KPNA5: variants seen among roughly 807,000 people sequenced by gnomAD.
KPNA5 encodes the protein karyopherin subunit alpha 5.
In KPNA5, 46 loss-of-function variants were observed where a neutral mutation model predicts 71.3. The observed-to-expected ratio is 0.65, with a 90% CI of 0.51 to 0.83. KPNA5 has a LOEUF of 0.83. Among genes scored for constraint, KPNA5 ranks in the 40% least tolerant of loss-of-function variants. The probability of loss-of-function intolerance (pLI) is 0.00; values close to 1 mark genes in which losing one functional copy is unlikely to be tolerated. For missense variants in KPNA5, 547 were observed against 628.3 expected (o/e 0.87, Z 1.38); for synonymous variants, 207 against 201.4 (o/e 1.03, Z -0.24).
chr6:116,682,465 T>C (rs1419535116), intron 1 of KPNA5, among the ~76,000 whole-genome samples: 1 of 152,134 alleles, frequency 6.6e-6, no homozygotes, highest in East Asian at 1.9e-4. Context: ...TGTACAAAAG[T>C]GGTTTTCTTG....
chr6:116,721,292 A>G (rs1779095062), intron 8 of KPNA5, among the ~76,000 whole-genome samples: 1 of 152,198 alleles, frequency 6.6e-6, no homozygotes, highest in South Asian at 2.1e-4. Context: ...TTTATTTGTG[A>G]GATACATAAC....
At chr6:116,704,711 A>G (rs1466241963) in intron 6 of KPNA5, among the ~76,000 whole-genome samples, 2 of 151,998 alleles carry the variant, frequency 1.3e-5, no homozygotes, top group African/African-American at 4.8e-5. Flanking sequence ...AGTAGCTGAG[A>G]TGACAGGTGC....
rs1032420225 is a variant in KPNA5, at chr6:116,738,785, C to T, written c.*6462C>T. On this transcript the variant is annotated 3_prime_UTR_variant, in exon 14 of 14. Coordinates refer to ENST00000368564, the MANE Select transcript of KPNA5 (RefSeq NM_001366306.2). ...TCTCAACAAATGCAGAAAAGGCCTT[C>T]GACAAAATTCAACAACGCTTCATGC... 7.9e-5 allele frequency: 12 copies of T among 152,024 alleles called. No individual in the cohort carries two copies. The South Asian group carries it at 8.3e-4, about 11-fold the overall frequency. 9.4% of individuals were successfully genotyped at this position (152,024 alleles called of 1,614,324 possible).
At chr6:116,719,049 G>A (rs912354215) in intron 8 of KPNA5, among the ~76,000 whole-genome samples, 2 of 152,144 alleles carry the variant, frequency 1.3e-5, no homozygotes, top group African/African-American at 2.4e-5. Flanking sequence ...CTCCCAAAGT[G>A]CTGGGATTAC....
At chr6:116,729,054 A>G (rs1026999455) in intron 12 of KPNA5, among the ~76,000 whole-genome samples, 5 of 151,816 alleles carry the variant, frequency 3.3e-5, no homozygotes, top group East Asian at 1.9e-4. Flanking sequence ...AACACAGTAT[A>G]TGTTTCAGAA....
chr6:116,698,755 G>A lies in KPNA5; in HGVS notation c.392G>A (p.Arg131Lys). 1 of 1,601,522 alleles carries A rather than the reference G, an allele frequency of 6.2e-7. No individual in the cohort carries two copies. The highest frequency in any genetic ancestry group is 8.5e-7 in the Non-Finnish European group (1 of 1,174,318). Residue 131 changes from arginine (R) to lysine (K), a missense_variant, in exon 5 of 14, where the codon AGA becomes AAA. Transcript: ENST00000368564. ...ATACAGAAACCAGGAGTTGTACAGA[G>A]ATTTGTGAAATTTCTTGAAAGAAAT... ...QVIQKPGVVQ[R>K]FVKFLERNEN...
chr6:116,729,909 CCT>C (rs1491523623), intron 13 of KPNA5, among the ~76,000 whole-genome samples, 168 bp downstream of exon 13: 1 of 151,400 alleles, frequency 6.6e-6, no homozygotes, highest in African/African-American at 2.4e-5. Flanking sequence ...TTATTATTTA[CCT>C]TTTTTTAACA....
chr6:116,724,738 A>G (rs1330230055), intron 10 of KPNA5, among the ~76,000 whole-genome samples: 1 of 151,972 alleles, frequency 6.6e-6, no homozygotes, highest in Non-Finnish European at 1.5e-5. Flanking sequence ...CCTTCCAAGT[A>G]GTTGGGACTG....
chr6:116,703,777 T>TGG (rs1778325479), intron 6 of KPNA5, among the ~76,000 whole-genome samples: 1 of 152,202 alleles, frequency 6.6e-6, no homozygotes, highest in Non-Finnish European at 1.5e-5. Flanking sequence ...AAATAAAACT[T>TGG]TCCCAATTGA....
intron 8 of KPNA5, among the ~76,000 whole-genome samples, chr6:116,720,394 TTC>T (rs1779057909): frequency 6.6e-6 from 1 of 151,902 alleles, no homozygotes; most frequent in East Asian, 1.9e-4. Context: ...GAATTTGTAT[TTC>T]TGTTTCTTTT....
chr6:116,704,317 C>T (rs1392570326), intron 6 of KPNA5, among the ~76,000 whole-genome samples: 2 of 152,176 alleles, frequency 1.3e-5, no homozygotes, highest in African/African-American at 4.8e-5. Flanking sequence ...GAATTACAGG[C>T]ATGAGCCACT....
chr6:116,691,359 C>CGAG (rs2114374260), intron 2 of KPNA5, among the ~76,000 whole-genome samples: 1 of 152,288 alleles, frequency 6.6e-6, no homozygotes, highest in African/African-American at 2.4e-5. Flanking sequence ...GCTTGTGCAG[C>CGAG]CCTCCCACCT....
Position 116,734,571 on chromosome 6 carries a change from C to G in KPNA5, c.*2248C>G, listed in dbSNP as rs1028257326. ...CACTGTATAGCAGTTGGGACCAGCTCTTGGCTTGGCTTGGCTTGGCTTATT... is the reference window on the plus strand; with the variant it reads ...CACTGTATAGCAGTTGGGACCAGCTGTTGGCTTGGCTTGGCTTGGCTTATT... On this transcript the variant is annotated 3_prime_UTR_variant, in exon 14 of 14. Coordinates refer to ENST00000368564, the MANE Select transcript of KPNA5 (RefSeq NM_001366306.2). The G allele has an allele frequency of 6.7e-6, 1 of 149,480 alleles. No individual in the cohort carries two copies. The highest frequency in any genetic ancestry group is 1.5e-5 in the Non-Finnish European group (1 of 67,600). 9.3% of individuals were successfully genotyped at this position (149,480 alleles called of 1,614,324 possible).
At chr6:116,700,870 T>A (rs533672234) in intron 5 of KPNA5, among the ~76,000 whole-genome samples, 13 of 152,332 alleles carry the variant, frequency 8.5e-5, no homozygotes, top group East Asian at 3.9e-4. Context: ...ACCTTTTTTT[T>A]AAAATTGTAG....
At chr6:116,714,885 C>T (rs1016079318) in intron 7 of KPNA5, among the ~76,000 whole-genome samples, 1 of 152,148 alleles carries the variant, frequency 6.6e-6, no homozygotes, top group Non-Finnish European at 1.5e-5. Context: ...TTCTGCTCTA[C>T]TCCTTCCAGA....
chr6:116,697,517 G>T (rs1284104459), intron 4 of KPNA5, among the ~76,000 whole-genome samples: 6 of 151,984 alleles, frequency 3.9e-5, no homozygotes, highest in African/African-American at 1.4e-4. Flanking sequence ...AAAACTTAAT[G>T]AAAACATTTT....
At chr6:116,720,852 A>G (rs1249186184) in intron 8 of KPNA5, among the ~76,000 whole-genome samples, 1 of 152,112 alleles carries the variant, frequency 6.6e-6, no homozygotes, top group South Asian at 2.1e-4. Context: ...CGAAAAACAA[A>G]CCCTGATTTC....
At chr6:116,687,238 T>G (rs938818092) in intron 1 of KPNA5, among the ~76,000 whole-genome samples, 1 of 152,172 alleles carries the variant, frequency 6.6e-6, no homozygotes, top group South Asian at 2.1e-4. Context: ...ACTCTAGAGG[T>G]CTTTCACCTC....
Position 116,689,358 on chromosome 6 carries a change from A to G in KPNA5, c.43A>G (p.Lys15Glu). The G allele has an allele frequency of 6.2e-7, 1 of 1,608,710 alleles. No individual in the cohort carries two copies. Among genetic ancestry groups the G allele is most frequent in the South Asian group, 1.1e-5 (1 of 89,940 alleles). Residue 15 changes from lysine to glutamate, a missense_variant, in exon 2 of 14, where the codon AAA (lysine) becomes GAA (glutamate). Coordinates refer to ENST00000368564, the MANE Select transcript of KPNA5 (RefSeq NM_001366306.2). ...ASPGKDNYRMKSYKNKALNPQ... is the reference protein window; with the variant it reads ...ASPGKDNYRMESYKNKALNPQ... ...TCCAGGGAAAGATAACTATAGAATG[A>G]AAAGTTATAAGAATAAAGCCCTAAA...
Sources: allele counts gnomAD v4.1 joint callset (sites outside exome capture counted in the v4.1 genomes callset), GRCh38; gene constraint gnomAD v4.1.1; transcripts MANE v1.5; gene names NCBI Gene and HGNC (gene_info 2026-07-23, HGNC 2026-07-21).